The following ZNF248 variants were observed in gnomAD, a reference collection of about 807,000 sequenced individuals.
ZNF248 encodes zinc finger protein 248, also known as KRAB protein domain.
ZNF248 carries 20 observed loss-of-function variants against 44.3 expected under a neutral mutation model. That is an observed-to-expected ratio of 0.45 (90% CI 0.32 to 0.66). The LOEUF is 0.66. Among genes scored for constraint, ZNF248 ranks in the 30% least tolerant of loss-of-function variants. The pLI is 0.04. For missense variants in ZNF248, 654 were observed against 677.0 expected, an observed-to-expected ratio of 0.97 and a Z score of 0.38; for synonymous variants, 224 against 229.0, an observed-to-expected ratio of 0.98 and a Z score of 0.20.
intron 6 of ZNF248, among the ~76,000 whole-genome samples, chr10:37,780,971 G>T (rs890439330): frequency 1.3e-5 from 2 of 152,168 alleles, no homozygotes; most frequent in Non-Finnish European, 2.9e-5. Flanking sequence ...GTTGGGGACC[G>T]TGCGGGACAC....
the ZNF248 span, among the ~76,000 whole-genome samples, chr10:37,770,772 G>C: frequency 6.6e-6 from 1 of 152,098 alleles, no homozygotes; most frequent in African/African-American, 2.4e-5. Flanking sequence ...ATTGACAAAT[G>C]GGATCTAATT....
intron 6 of ZNF248, among the ~76,000 whole-genome samples, chr10:37,785,216 C>T (rs1055915789): frequency 3.3e-5 from 5 of 152,160 alleles, no homozygotes; most frequent in Admixed American, 6.5e-5. Flanking sequence ...AGACCAGTAA[C>T]AGCACAGTCC....
intron 6 of ZNF248, among the ~76,000 whole-genome samples, chr10:37,815,890 G>A (rs1421679393): frequency 6.6e-6 from 1 of 151,482 alleles, no homozygotes; most frequent in Non-Finnish European, 1.5e-5. Context: ...GGTCACTTCT[G>A]AGCCTGGACC....
intron 3 of ZNF248, among the ~76,000 whole-genome samples, chr10:37,849,795 G>A (rs958415872): frequency 6.6e-6 from 1 of 152,042 alleles, no homozygotes; most frequent in Non-Finnish European, 1.5e-5. Context: ...TCAGGGGGCC[G>A]GATGCAGTGG....
At chr10:37,808,075 T>C (rs1253161787) in intron 6 of ZNF248, among the ~76,000 whole-genome samples, 1 of 152,148 alleles carries the variant, frequency 6.6e-6, no homozygotes, top group African/African-American at 2.4e-5. Context: ...TGTTGAAATA[T>C]GTCAAATGGT....
chr10:37,842,464 C>T (rs1352084869), intron 3 of ZNF248, among the ~76,000 whole-genome samples: 1 of 152,166 alleles, frequency 6.6e-6, no homozygotes, highest in African/African-American at 2.4e-5. Context: ...CTTGCCTTTA[C>T]CCCAACCCTC....
chr10:37,842,004 T>G (rs2058431749), intron 3 of ZNF248, among the ~76,000 whole-genome samples: 1 of 151,950 alleles, frequency 6.6e-6, no homozygotes, highest in African/African-American at 2.4e-5. Flanking sequence ...AACAGAAAAA[T>G]TACATTAGGG....
intron 5 of ZNF248, among the ~76,000 whole-genome samples, chr10:37,833,337 T>C (rs1330140636): frequency 6.6e-6 from 1 of 152,202 alleles, no homozygotes; most frequent in Non-Finnish European, 1.5e-5. Context: ...TTGGCAATGA[T>C]ATTTAACACT....
intron 6 of ZNF248, among the ~76,000 whole-genome samples, chr10:37,782,919 A>G (rs753439295): frequency 3.3e-5 from 5 of 152,158 alleles, no homozygotes; most frequent in Non-Finnish European, 5.9e-5. Flanking sequence ...AGTTTTAGGT[A>G]CTTTGTGATG....
chr10:37,784,676 C>T (rs1589040075), intron 6 of ZNF248, among the ~76,000 whole-genome samples: 2 of 152,166 alleles, frequency 1.3e-5, no homozygotes, highest in African/African-American at 4.8e-5. Context: ...TATATTGTCT[C>T]GTCCTAGTCT....
At chr10:37,760,211 T>A in the ZNF248 span, among the ~76,000 whole-genome samples, 1 of 152,086 alleles carries the variant, frequency 6.6e-6, no homozygotes, top group Non-Finnish European at 1.5e-5. Flanking sequence ...CTTCAAGAAA[T>A]AGAAAATGCT....
rs377360400 is a variant in ZNF248, at chr10:37,816,725, G to A, written c.330+16300C>T. Reference sequence around the variant, plus strand: ...TTCAAATAAGGTCAGTTCATTAGCAGAGTTTTTGACCTCTTGATTTTATGA... The same window carrying A: ...TTCAAATAAGGTCAGTTCATTAGCAAAGTTTTTGACCTCTTGATTTTATGA... On this transcript the variant is annotated intron_variant, in intron 6 of 6. Transcript: ENST00000615949. 2.6e-5 allele frequency among the ~76,000 whole-genome samples: 4 copies of A among 152,156 alleles called. No homozygotes were observed. The East Asian group carries it at 7.7e-4, about 29-fold the overall frequency.
At chr10:37,769,301 C>T in the ZNF248 span, among the ~76,000 whole-genome samples, 7 of 152,104 alleles carry the variant, frequency 4.6e-5, no homozygotes, top group African/African-American at 9.7e-5. Context: ...ATACCAAAGC[C>T]GAGCAGAAAA....
downstream of ZNF248, among the ~76,000 whole-genome samples, chr10:37,826,238 C>G (rs976828739): frequency 2.0e-5 from 3 of 152,048 alleles, no homozygotes; most frequent in Admixed American, 1.3e-4. Flanking sequence ...AACCAAAAGT[C>G]CCTGGTAAAA....
chr10:37,778,912 A>G (rs2046941640), intron 6 of ZNF248, among the ~76,000 whole-genome samples: 1 of 152,206 alleles, frequency 6.6e-6, no homozygotes, highest in South Asian at 2.1e-4. Flanking sequence ...TAGAAAATCT[A>G]GAAGAAATGG....
In ZNF248 at chr10:37,831,227, C is replaced by G; in HGVS notation, c.*388G>C. 6.5e-7 allele frequency: 1 copy of G among 1,542,884 alleles called. No homozygotes were observed. Among genetic ancestry groups the G allele is most frequent in the South Asian group, 1.2e-5 (1 of 82,202 alleles). ...ATACTCAAATTTATATATTTGCATACTCACATAAGGTCTACAAACATCGGG... is the reference window on the plus strand; with the variant it reads ...ATACTCAAATTTATATATTTGCATAGTCACATAAGGTCTACAAACATCGGG... On this transcript the variant is annotated 3_prime_UTR_variant, in exon 6 of 6. Coordinates refer to ENST00000395867, the MANE Select transcript of ZNF248 (RefSeq NM_021045.3).
At chr10:37,783,600 C>T (rs1012327467) in intron 6 of ZNF248, among the ~76,000 whole-genome samples, 1 of 152,140 alleles carries the variant, frequency 6.6e-6, no homozygotes, top group African/African-American at 2.4e-5. Context: ...CTTCCTGAAA[C>T]ATTTGGCTTA....
downstream of ZNF248, among the ~76,000 whole-genome samples, chr10:37,824,298 C>T (rs1427806485): frequency 6.6e-6 from 1 of 152,140 alleles, no homozygotes; most frequent in Non-Finnish European, 1.5e-5. Context: ...ATGAGTCCCA[C>T]CCACTCTCAT....
At chr10:37,844,130 AT>A (rs1198734140) in intron 3 of ZNF248, among the ~76,000 whole-genome samples, 1 of 152,208 alleles carries the variant, frequency 6.6e-6, no homozygotes, top group East Asian at 1.9e-4. Flanking sequence ...TTATCAAACT[AT>A]CAAAAGCCAA....
Sources: allele counts gnomAD v4.1 joint callset (sites outside exome capture counted in the v4.1 genomes callset), GRCh38; gene constraint gnomAD v4.1.1; transcripts MANE v1.5; gene names NCBI Gene and HGNC (gene_info 2026-07-23, HGNC 2026-07-21).